The following BMP8B variants were observed in gnomAD, a reference collection of about 807,000 sequenced individuals.
BMP8B encodes the protein bone morphogenetic protein 8b.
In BMP8B, 17 loss-of-function variants were observed where a neutral mutation model predicts 30.3. That is an observed-to-expected ratio of 0.56 (90% CI 0.38 to 0.84). The LOEUF is 0.84. Among genes scored for constraint, BMP8B ranks in the 40% least tolerant of loss-of-function variants. BMP8B has a pLI of 0.00. For missense variants in BMP8B, 253 were observed against 494.6 expected, an observed-to-expected ratio of 0.51 and a Z score of 4.63; for synonymous variants, 131 against 214.7, an observed-to-expected ratio of 0.61 and a Z score of 3.41.
At chr1:39,787,178 G>C (rs1651041081) in intron 1 of BMP8B, among the ~76,000 whole-genome samples, 1 of 151,956 alleles carries the variant, frequency 6.6e-6, no homozygotes, top group Non-Finnish European at 1.5e-5. Context: ...CTGTTATCAG[G>C]GTTGTCGGGA....
intron 1 of BMP8B, among the ~76,000 whole-genome samples, chr1:39,782,959 A>T (rs1291856046): frequency 2.0e-5 from 3 of 150,346 alleles, no homozygotes. Flanking sequence ...ATGCCTGGCT[A>T]ATTTTTTTTG....
At chr1:39,770,686 C>T (rs1356569687) in intron 3 of BMP8B, 1 of 1,355,778 alleles carries the variant, frequency 7.4e-7, no homozygotes, top group African/African-American at 1.9e-5. Flanking sequence ...CGTTGAACTC[C>T]CTCACCTCTC....
chr1:39,768,536 G>A (rs2124450196), intron 3 of BMP8B, among the ~76,000 whole-genome samples: 1 of 148,410 alleles, frequency 6.7e-6, no homozygotes, highest in South Asian at 2.2e-4. Flanking sequence ...AACAACAAAG[G>A]CCCCAGAAGA....
chr1:39,765,968 G>A (rs1389563258), intron 3 of BMP8B, among the ~76,000 whole-genome samples: 2 of 150,044 alleles, frequency 1.3e-5, no homozygotes. Context: ...CTGGGAGGTT[G>A]AGGCTGCAGT....
In BMP8B at chr1:39,757,394, C is replaced by A. The variant is rs145930147; in HGVS notation, c.*3025G>T. ...GAAGAAGCAGAACCAGGATTCAAAT[C>A]TATTTGGCACCAAAAATCTGCCTCT... On this transcript the variant is annotated 3_prime_UTR_variant, in exon 7 of 7. Coordinates refer to ENST00000372827, the MANE Select transcript of BMP8B (RefSeq NM_001720.5). 3.3e-5 allele frequency: 5 copies of A among 152,368 alleles called. No homozygotes were observed. Among genetic ancestry groups the A allele is most frequent in the African/African-American group, 1.2e-4 (5 of 41,588 alleles). 9.4% of individuals were successfully genotyped at this position (152,368 alleles called of 1,614,324 possible).
chr1:39,782,265 A>G (rs1650695503), intron 1 of BMP8B, among the ~76,000 whole-genome samples: 1 of 152,032 alleles, frequency 6.6e-6, no homozygotes, highest in South Asian at 2.1e-4. Flanking sequence ...AAGCTCTGGG[A>G]AGCCCCCCAC....
Position 39,759,563 on chromosome 1 carries a change from A to G in BMP8B, c.*856T>C, listed in dbSNP as rs745655177. 26 of 152,292 alleles carry G rather than the reference A, an allele frequency of 1.7e-4. No individual in the cohort carries two copies. The highest frequency in any genetic ancestry group is 1.5e-4 in the Non-Finnish European group (10 of 68,062). 9.4% of individuals were successfully genotyped at this position (152,292 alleles called of 1,614,324 possible). On this transcript the variant is annotated 3_prime_UTR_variant, in exon 7 of 7. Transcript: ENST00000372827. ...TCAGAGGGGAAAGGGAAATGATGGCATCTGTGCTGTGCATTGTCATCCTGG... is the reference window on the plus strand; with the variant it reads ...TCAGAGGGGAAAGGGAAATGATGGCGTCTGTGCTGTGCATTGTCATCCTGG...
chr1:39,781,693 A>G (rs1003235276), intron 1 of BMP8B, among the ~76,000 whole-genome samples: 14 of 152,252 alleles, frequency 9.2e-5, no homozygotes, highest in African/African-American at 3.4e-4. Context: ...CAAAGGCCTC[A>G]GACAACTGAG....
At position 39,788,452 on chromosome 1, in the gene BMP8B, C is replaced by A; in HGVS notation, c.34G>T (p.Gly12Cys). The A allele has an allele frequency of 9.7e-7, 1 of 1,031,254 alleles. No homozygotes were observed. The highest frequency in any genetic ancestry group is 8.4e-5 in the East Asian group (1 of 11,950). The allele number at this position is 1,031,254 out of a possible 1,614,324, so 63.9% of individuals were successfully genotyped here. A position where few individuals can be genotyped will look rare whatever the true frequency, so the allele number is the denominator to read the frequency against. The change falls in exon 1 of 7, where the codon GGC becomes TGC. Residue 12 changes from glycine (G) to cysteine (C), a missense_variant. Gly to Cys is a radical substitution (Grantham distance 159, BLOSUM62 -3). This residue lies in a region of BMP8B where 54 missense variants were observed against 70.8 expected (regional missense o/e 0.76). Transcript: ENST00000372827. This position sits in a 1 kb window ranked among gnomAD's most constrained non-coding sequence, Gnocchi z 5.8. ...CCGCCCAGCGCGCATAGCGCCAGGC[C>A]CAGGAGCCAGAGCGGGCCGGGGAGC... ...TALPGPLWLLGLALCALGGGG... is the reference protein window; with the variant it reads ...TALPGPLWLLCLALCALGGGG...
At chr1:39,769,564 G>A in intron 3 of BMP8B, 1 of 1,269,700 alleles carries the variant, frequency 7.9e-7, no homozygotes, top group Admixed American at 3.0e-5. Flanking sequence ...CAGCTCTCTA[G>A]AGGAGCACTG....
chr1:39,769,254 TCA>T (rs1405062705), intron 3 of BMP8B, among the ~76,000 whole-genome samples: 14 of 150,986 alleles, frequency 9.3e-5, no homozygotes, highest in Middle Eastern at 3.4e-3. Context: ...TGTCTTCCAA[TCA>T]CAAACTCACA....
chr1:39,761,053 C>T lies in BMP8B; in HGVS notation c.1060-485G>A, dbSNP rs569366425. The T allele has an allele frequency of 1.8e-3, 296 of 161,320 alleles. 1 individual carries two copies. Among genetic ancestry groups the T allele is most frequent in the Non-Finnish European group, 3.1e-3 (228 of 73,784 alleles). The allele number at this position is 161,320 out of a possible 1,614,324, so 10.0% of individuals were successfully genotyped here. A position where few individuals can be genotyped will look rare whatever the true frequency, so the allele number is the denominator to read the frequency against. On this transcript the variant is annotated intron_variant, in intron 6 of 6. Transcript: ENST00000372827. ...CGCCCCTCTCCTGTGCTGCTCCTTC[C>T]CCCAGAGGACTGCATCCGCCCTCAG...
chr1:39,778,764 C>T (rs1451763140), intron 1 of BMP8B, among the ~76,000 whole-genome samples: 1 of 152,198 alleles, frequency 6.6e-6, no homozygotes, highest in Non-Finnish European at 1.5e-5. Context: ...CCAGTGAAAT[C>T]CCGGGAAAGA....
chr1:39,766,722 AG>A (rs763038595), intron 3 of BMP8B, among the ~76,000 whole-genome samples: 31 of 143,430 alleles, frequency 2.2e-4, no homozygotes, highest in Non-Finnish European at 3.9e-4. Flanking sequence ...TAACATGGGA[AG>A]GAGGCCCAGA....
intron 1 of BMP8B, among the ~76,000 whole-genome samples, chr1:39,784,155 G>C (rs893143389): frequency 2.0e-5 from 3 of 152,258 alleles, no homozygotes; most frequent in Middle Eastern, 3.4e-3. Context: ...AAACACAGAT[G>C]TGACGGCAAT....
chr1:39,758,023 C>A lies in BMP8B; in HGVS notation c.*2396G>T, dbSNP rs575089114. The A allele has an allele frequency of 1.3e-5, 2 of 152,266 alleles. No individual in the cohort carries two copies. The highest frequency in any genetic ancestry group is 4.1e-4 in the South Asian group (2 of 4,826). The allele number at this position is 152,266 out of a possible 1,614,324, so 9.4% of individuals were successfully genotyped here. ...GCTTGATTAATGGGTAAGGTGTACT[C>A]CATATCTACAAACCTTCAGGTAGTT... On this transcript the variant is annotated 3_prime_UTR_variant, in exon 7 of 7. Transcript: ENST00000372827.
At chr1:39,765,957 C>G (rs1649583922) in intron 3 of BMP8B, among the ~76,000 whole-genome samples, 2 of 148,444 alleles carry the variant, frequency 1.3e-5, no homozygotes, top group African/African-American at 2.5e-5. Flanking sequence ...ACTGCTTGAG[C>G]CTGGGAGGTT....
chr1:39,768,025 T>C (rs1291894540), intron 3 of BMP8B, among the ~76,000 whole-genome samples: 1 of 150,980 alleles, frequency 6.6e-6, no homozygotes, highest in African/African-American at 2.4e-5. Flanking sequence ...GCTACACTTA[T>C]GCAGTGCATG....
At position 39,760,547 on chromosome 1, in the gene BMP8B, C is replaced by T. The variant is rs775912651; in HGVS notation, c.1081G>A (p.Ala361Thr). Residue 361 changes from alanine (A) to threonine (T), a missense_variant, in exon 7 of 7, where the codon GCA (alanine) becomes ACA (threonine). Coordinates refer to ENST00000372827, the MANE Select transcript of BMP8B (RefSeq NM_001720.5). Reference sequence around the variant, plus strand: ...GGTGCACAGCACGCCTTGGGGACTGCGTCTGGCATCATCAGGTGCACCTGG... The same window carrying T: ...GGTGCACAGCACGCCTTGGGGACTGTGTCTGGCATCATCAGGTGCACCTGG... ...QSLVHLMMPD[A>T]VPKACCAPTK... 59 of 1,613,728 alleles carry T rather than the reference C, an allele frequency of 3.7e-5. No homozygotes were observed. The highest frequency in any genetic ancestry group is 4.5e-5 in the East Asian group (2 of 44,878).
Sources: gnomAD v4.1 joint callset for allele counts (sites outside exome capture counted in the v4.1 genomes callset) on GRCh38, gnomAD v4.1.1 for gene constraint, gnomAD v4.1.1 regional missense constraint, Gnocchi (gnomAD v3.1) non-coding constraint, MANE v1.5 for transcripts, NCBI Gene and HGNC (gene_info 2026-07-23, HGNC 2026-07-21) for gene names.